The following TRMT10B variants were observed in gnomAD, a reference collection of about 807,000 sequenced individuals.
TRMT10B encodes tRNA methyltransferase 10B.
Under a neutral mutation model 43.8 loss-of-function variants are expected in TRMT10B, and 33 were observed. That is an observed-to-expected ratio of 0.75 (90% CI 0.57 to 1.01). The LOEUF (loss-of-function observed/expected upper bound fraction) is 1.01, where lower values mean the gene tolerates loss of function less well. Among genes scored for constraint, TRMT10B ranks in the 50% least tolerant of loss-of-function variants. TRMT10B has a pLI of 0.00. For synonymous variants in TRMT10B, 137 were observed against 130.6 expected, an observed-to-expected ratio of 1.05 and a Z score of -0.34; for missense variants, 362 against 369.8, an observed-to-expected ratio of 0.98 and a Z score of 0.17.
chr9:37,757,498 T>G (rs181993643), intron 1 of TRMT10B, among the ~76,000 whole-genome samples: 1 of 152,352 alleles, frequency 6.6e-6, no homozygotes, highest in African/African-American at 2.4e-5. Flanking sequence ...TTAAAGGATT[T>G]CTAAGCAGAA....
intron 4 of TRMT10B, chr9:37,767,510 C>T (rs1273012859): frequency 9.7e-4 from 2 of 2,068 alleles, no homozygotes; most frequent in Non-Finnish European, 1.2e-3. Context: ...CAGACCCTGT[C>T]TCCAAAAAAA....
intron 5 of TRMT10B, among the ~76,000 whole-genome samples, chr9:37,768,594 G>C (rs1461721421): frequency 2.0e-5 from 3 of 152,174 alleles, no homozygotes; most frequent in African/African-American, 7.2e-5. Flanking sequence ...TTTAAGATAA[G>C]TTTTAGGGAG....
In TRMT10B at chr9:37,778,900, T is replaced by TATCC. The variant is rs1478063778; in HGVS notation, c.*1194_*1197dup. On this transcript the variant is annotated 3_prime_UTR_variant, in exon 9 of 9. Transcript: ENST00000297994. ...GGACAAATCTGTGTACCTATCTTTC[T>TATCC]ATCCTCCCTGAGCCTGTACCAACTA... 6.6e-6 allele frequency: 1 copy of TATCC among 152,210 alleles called. No individual in the cohort carries two copies. The highest frequency in any genetic ancestry group is 2.4e-5 in the African/African-American group (1 of 41,452). The allele number at this position is 152,210 out of a possible 1,614,324, so 9.4% of individuals were successfully genotyped here.
Position 37,777,678 on chromosome 9 carries a change from G to T in TRMT10B, c.922G>T (p.Gly308Cys). 6.2e-7 allele frequency: 1 copy of T among 1,613,946 alleles called. No homozygotes were observed. Among genetic ancestry groups the T allele is most frequent in the Non-Finnish European group, 8.5e-7 (1 of 1,179,948 alleles). The stretch of plus-strand genomic sequence containing the variant: ...GAAGAAAGGAGTTTCTTCAGGAAAA[G>T]GCTATATTCTTCGGAACTCAGTGGA... ...ALKKGVSSGK[G>C]YILRNSVE The change falls in exon 9 of 9, where the codon GGC becomes TGC. Residue 308 changes from glycine (G) to cysteine (C), a missense_variant. Gly to Cys is a radical substitution (Grantham distance 159). Coordinates refer to ENST00000297994, the MANE Select transcript of TRMT10B (RefSeq NM_144964.4).
At chr9:37,773,956 T>TAAA (rs544100530) in intron 7 of TRMT10B, among the ~76,000 whole-genome samples, 17 of 127,672 alleles carry the variant, frequency 1.3e-4, no homozygotes, top group Admixed American at 4.0e-4. Context: ...ACCCTGTCTC[T>TAAA]AAAAAAAAAA....
intron 7 of TRMT10B, among the ~76,000 whole-genome samples, chr9:37,771,346 C>T (rs769238109): frequency 6.6e-6 from 1 of 152,068 alleles, no homozygotes; most frequent in Non-Finnish European, 1.5e-5. Context: ...TCCCAATTCC[C>T]CTCCCCTGAG....
At chr9:37,764,646 A>C in intron 4 of TRMT10B, among the ~76,000 whole-genome samples, 1 of 150,368 alleles carries the variant, frequency 6.7e-6, no homozygotes, top group East Asian at 2.0e-4. Context: ...CTGGTCTCAA[A>C]CTCCTGTCCT....
At chr9:37,768,002 G>A (rs1827172531) in intron 4 of TRMT10B, 74 bp from the exon 5 acceptor site, 1 of 1,559,406 alleles carries the variant, frequency 6.4e-7, no homozygotes, top group Non-Finnish European at 8.8e-7. Flanking sequence ...TGAACTTATT[G>A]TAGCCATTTC....
At chr9:37,753,249 A>T (rs752459276), upstream of TRMT10B, among the ~76,000 whole-genome samples, 2 of 152,242 alleles carry the variant, frequency 1.3e-5, no homozygotes, top group South Asian at 2.1e-4. Context: ...TCTTGAAGTC[A>T]GTGAGACCAA....
At chr9:37,773,380 C>T (rs919692051) in intron 7 of TRMT10B, among the ~76,000 whole-genome samples, 1 of 152,028 alleles carries the variant, frequency 6.6e-6, no homozygotes, top group Admixed American at 6.6e-5. Flanking sequence ...CTCAGCCTCC[C>T]AAAACACTGG....
At chr9:37,763,587 C>G in intron 3 of TRMT10B, 42 bp from the exon 4 acceptor site, 1 of 1,571,054 alleles carries the variant, frequency 6.4e-7, no homozygotes, top group Non-Finnish European at 8.7e-7. Context: ...TAATATTCCT[C>G]TGGTTTTCCA....
Position 37,778,019 on chromosome 9 carries a change from TAAA to T in TRMT10B, c.*319_*321del, listed in dbSNP as rs777538838. On this transcript the variant is annotated 3_prime_UTR_variant, in exon 9 of 9. Coordinates refer to ENST00000297994, the MANE Select transcript of TRMT10B (RefSeq NM_144964.4). ...GACTCCATCTCAAAAAAAAAATAAATAAAAAAAAATGCAGCTGCAGGAGTGAGG... is the reference window on the plus strand; with the variant it reads ...GACTCCATCTCAAAAAAAAAATAAATAAAAAATGCAGCTGCAGGAGTGAGG... 4.9e-6 allele frequency: 1 copy of T among 203,820 alleles called. No homozygotes were observed. The highest frequency in any genetic ancestry group is 5.7e-5 in the Admixed American group (1 of 17,544). 12.6% of individuals were successfully genotyped at this position (203,820 alleles called of 1,614,324 possible).
intron 1 of TRMT10B, among the ~76,000 whole-genome samples, chr9:37,758,626 C>T (rs1314645242): frequency 1.3e-5 from 2 of 152,068 alleles, no homozygotes; most frequent in South Asian, 2.1e-4. Flanking sequence ...AATACTATAA[C>T]TTGAACAAGA....
At chr9:37,759,136 C>G (rs1385770545) in intron 1 of TRMT10B, among the ~76,000 whole-genome samples, 1 of 152,202 alleles carries the variant, frequency 6.6e-6, no homozygotes, top group African/African-American at 2.4e-5. Context: ...CCTAGCAATT[C>G]TACCTTAAAA....
At position 37,777,679 on chromosome 9, in the gene TRMT10B, G is replaced by A. The variant is rs776956718; in HGVS notation, c.923G>A (p.Gly308Asp). Residue 308 changes from glycine to aspartate, a missense_variant, in exon 9 of 9, where the codon GGC becomes GAC. By Grantham distance (94) the Gly-to-Asp change is moderately conservative. Coordinates refer to ENST00000297994, the MANE Select transcript of TRMT10B (RefSeq NM_144964.4). ...ALKKGVSSGK[G>D]YILRNSVE ...AAGAAAGGAGTTTCTTCAGGAAAAG[G>A]CTATATTCTTCGGAACTCAGTGGAA... 6.2e-7 allele frequency: 1 copy of A among 1,613,926 alleles called. No homozygotes were observed. The highest frequency in any genetic ancestry group is 1.3e-5 in the African/African-American group (1 of 74,978).
At chr9:37,754,224 A>G (rs150186264) in intron 1 of TRMT10B, among the ~76,000 whole-genome samples, 24 of 152,316 alleles carry the variant, frequency 1.6e-4, no homozygotes, top group Non-Finnish European at 2.8e-4. Context: ...TAAGCAAACA[A>G]CACTTGCCTA....
chr9:37,756,889 T>C (rs1208736509), intron 1 of TRMT10B, among the ~76,000 whole-genome samples: 3 of 152,056 alleles, frequency 2.0e-5, no homozygotes, highest in African/African-American at 7.2e-5. Flanking sequence ...TATATACATA[T>C]ACAGGTGTGA....
intron 1 of TRMT10B, among the ~76,000 whole-genome samples, chr9:37,759,418 G>A (rs1371064061): frequency 6.6e-6 from 1 of 152,246 alleles, no homozygotes; most frequent in Admixed American, 6.5e-5. Context: ...TTGTATAATA[G>A]ATACAGCTAA....
At chr9:37,771,258 AGAT>A (rs1277327756) in intron 7 of TRMT10B, among the ~76,000 whole-genome samples, 32 of 152,248 alleles carry the variant, frequency 2.1e-4, no homozygotes, top group Non-Finnish European at 3.8e-4. Context: ...CATATTACAT[AGAT>A]AATAAGTTTA....
Sources: allele counts gnomAD v4.1 joint callset (sites outside exome capture counted in the v4.1 genomes callset), GRCh38; gene constraint gnomAD v4.1.1; transcripts MANE v1.5; gene names NCBI Gene and HGNC (gene_info 2026-07-23, HGNC 2026-07-21).